Variants in TRIM33 observed in about 807,000 individuals in gnomAD.
The protein encoded by TRIM33 is tripartite motif containing 33, also known as E3 ubiquitin-protein ligase TRIM33.
TRIM33 carries 20 observed loss-of-function variants against 125.4 expected under a neutral mutation model. That is an observed-to-expected ratio of 0.16 (90% confidence interval 0.11 to 0.23). The LOEUF (loss-of-function observed/expected upper bound fraction) is 0.23. Among genes scored for constraint, TRIM33 ranks in the 10% least tolerant of loss-of-function variants. The pLI, the probability that TRIM33 is intolerant of heterozygous loss-of-function variation, is 1.00. For synonymous variants in TRIM33, 564 were observed against 513.9 expected (o/e 1.10, Z -1.32); for missense variants, 920 against 1,411.4 (o/e 0.65, Z 5.58).
At chr1:114,431,648 TACATTCTACTTC>T (rs2101188300) in intron 5 of TRIM33, among the ~76,000 whole-genome samples, 1 of 152,348 alleles carries the variant, frequency 6.6e-6, no homozygotes, top group South Asian at 2.1e-4. Context: ...TCAATTTTTA[TACATTCTACTTC>T]TGTAAAAACT....
chr1:114,443,893 A>G (rs1371746808), intron 4 of TRIM33, among the ~76,000 whole-genome samples: 1 of 152,098 alleles, frequency 6.6e-6, no homozygotes, highest in Non-Finnish European at 1.5e-5. Flanking sequence ...TTAATGTATG[A>G]AGGTGGAACA....
rs1480418879 is a variant in TRIM33, at chr1:114,421,653, C to G, written c.1861-17G>C. ...GTTTGAGTGCTAATAAGAAAGAAGA[C>G]ATTATCATTACTTGATCTGCCAGAA... On this transcript the variant is annotated splice_polypyrimidine_tract_variant and intron_variant, in intron 10 of 19. Coordinates refer to ENST00000358465, the MANE Select transcript of TRIM33 (RefSeq NM_015906.4). 3.1e-6 allele frequency: 5 copies of G among 1,611,974 alleles called. No individual in the cohort carries two copies. The highest frequency in any genetic ancestry group is 1.7e-5 in the Admixed American group (1 of 59,966).
chr1:114,417,956 TA>T (rs1653039847), intron 11 of TRIM33, among the ~76,000 whole-genome samples: 1 of 152,160 alleles, frequency 6.6e-6, no homozygotes, highest in Non-Finnish European at 1.5e-5. Context: ...GCACCCAGCC[TA>T]AAATTCCAAC....
At chr1:114,401,098 G>A (rs7540802) in intron 17 of TRIM33, among the ~76,000 whole-genome samples, 5,073 of 150,322 alleles carry the variant, frequency 0.034, 261 homozygotes, top group African/African-American at 0.12. Context: ...GTGCAGTGGC[G>A]CGATCTCGGC....
At position 114,486,331 on chromosome 1, in the gene TRIM33, T is replaced by C. The variant is rs549257632; in HGVS notation, c.527-21943A>G. ...ATGGAAAATAGAAAAGAAATGAAAG[T>C]TATAGAAAAAAAAGACCAATGGAAA... On this transcript the variant is annotated intron_variant, in intron 1 of 19. Coordinates refer to ENST00000358465, the MANE Select transcript of TRIM33 (RefSeq NM_015906.4). Among the ~76,000 whole-genome samples, 4 of 147,334 alleles carry C rather than the reference T, an allele frequency of 2.7e-5. No individual in the cohort carries two copies. The Middle Eastern group carries it at 0.011, about 403-fold the overall frequency.
intron 1 of TRIM33, among the ~76,000 whole-genome samples, chr1:114,486,569 C>CA (rs1651709641): frequency 7.0e-6 from 1 of 143,152 alleles, no homozygotes; most frequent in Non-Finnish European, 1.5e-5. Flanking sequence ...AAAAAAAACC[C>CA]AAAAACCAAA....
intron 1 of TRIM33, among the ~76,000 whole-genome samples, chr1:114,509,077 T>C (rs928786991): frequency 1.3e-5 from 2 of 152,196 alleles, no homozygotes; most frequent in African/African-American, 2.4e-5. Context: ...AGGATTCTCC[T>C]AACTGGTCTC....
chr1:114,411,687 T>C (rs1482236683), intron 11 of TRIM33, among the ~76,000 whole-genome samples: 5 of 152,178 alleles, frequency 3.3e-5, no homozygotes, highest in African/African-American at 1.2e-4. Flanking sequence ...AAGATAACTC[T>C]AAGGGTAGAG....
chr1:114,496,690 T>C (rs74925394), intron 1 of TRIM33, among the ~76,000 whole-genome samples: 1,566 of 152,348 alleles, frequency 0.01, 25 homozygotes, highest in African/African-American at 0.036. Context: ...AATAAAATTC[T>C]CATTTAATTG....
intron 10 of TRIM33, among the ~76,000 whole-genome samples, chr1:114,423,127 T>C (rs764097115): frequency 5.9e-5 from 9 of 152,188 alleles, no homozygotes; most frequent in South Asian, 2.1e-4. Context: ...TATCTTCTAA[T>C]AGTCTTAAAC....
intron 11 of TRIM33, among the ~76,000 whole-genome samples, chr1:114,418,495 T>G (rs1653073219): frequency 6.6e-6 from 1 of 152,154 alleles, no homozygotes; most frequent in South Asian, 2.1e-4. Flanking sequence ...AGACATTTAG[T>G]TTATGGTTTA....
intron 5 of TRIM33, 131 bp from the exon 6 acceptor site, chr1:114,431,043 C>G: frequency 1.6e-6 from 1 of 629,448 alleles, no homozygotes; most frequent in Non-Finnish European, 2.8e-6. Flanking sequence ...AAATGTACAA[C>G]TCATGTTTCA....
chr1:114,469,608 A>G (rs768171919), intron 1 of TRIM33, among the ~76,000 whole-genome samples: 4 of 152,232 alleles, frequency 2.6e-5, no homozygotes, highest in East Asian at 1.9e-4. Context: ...CTAGAAAGCA[A>G]TATGTATTTG....
intron 13 of TRIM33, among the ~76,000 whole-genome samples, chr1:114,407,357 C>T (rs538134572): frequency 2.0e-5 from 3 of 152,178 alleles, no homozygotes; most frequent in African/African-American, 4.8e-5. Context: ...CACACACACA[C>T]GCACACACAC....
At position 114,395,931 on chromosome 1, in the gene TRIM33, T is replaced by C. The variant is rs908245902; in HGVS notation, c.*1717A>G. 5.2e-6 allele frequency: 1 copy of C among 193,602 alleles called. No individual in the cohort carries two copies. The highest frequency in any genetic ancestry group is 2.3e-5 in the African/African-American group (1 of 43,144). The allele number at this position is 193,602 out of a possible 1,614,324, so 12.0% of individuals were successfully genotyped here. On this transcript the variant is annotated 3_prime_UTR_variant, in exon 20 of 20. Transcript: ENST00000358465. ...AAAGGAATTTGTATAATAATTTCTT[T>C]AGAGCACTTTATTTGATTCAATATG...
chr1:114,442,970 C>T (rs1018127783), intron 4 of TRIM33, among the ~76,000 whole-genome samples: 2 of 151,970 alleles, frequency 1.3e-5, no homozygotes, highest in African/African-American at 4.8e-5. Flanking sequence ...TGAATATCTG[C>T]TCTCAAGTTT....
At chr1:114,412,976 A>G (rs896755349) in intron 11 of TRIM33, among the ~76,000 whole-genome samples, 6 of 152,216 alleles carry the variant, frequency 3.9e-5, no homozygotes, top group Admixed American at 1.3e-4. Flanking sequence ...CAGTGTTTGA[A>G]GGTTCTAGTT....
intron 4 of TRIM33, among the ~76,000 whole-genome samples, chr1:114,434,001 C>A (rs925209728): frequency 1.3e-5 from 2 of 152,112 alleles, no homozygotes; most frequent in Non-Finnish European, 2.9e-5. Context: ...AGGATTACAT[C>A]TTTTTAAAAA....
intron 1 of TRIM33, among the ~76,000 whole-genome samples, chr1:114,501,400 T>C (rs1652707342): frequency 6.6e-6 from 1 of 152,114 alleles, no homozygotes; most frequent in Admixed American, 6.6e-5. Flanking sequence ...TCAATTTTTC[T>C]CCATATGGCC....
Sources: allele counts gnomAD v4.1 joint callset (sites outside exome capture counted in the v4.1 genomes callset), GRCh38; gene constraint gnomAD v4.1.1; transcripts MANE v1.5; gene names NCBI Gene and HGNC (gene_info 2026-07-23, HGNC 2026-07-21).